Variants in TASP1 observed in about 807,000 individuals in gnomAD.
The protein encoded by TASP1 is threonine aspartase 1.
In TASP1, 16 loss-of-function variants were observed where a neutral mutation model predicts 56.6. That is an observed-to-expected ratio of 0.28 (90% CI 0.19 to 0.43). The LOEUF is 0.43. TASP1 is among the 20% of genes least tolerant of loss of function. The probability of loss-of-function intolerance (pLI) is 1.00; values close to 1 mark genes in which losing one functional copy is unlikely to be tolerated. For synonymous variants in TASP1, 179 were observed against 184.2 expected (o/e 0.97, Z 0.23); for missense variants, 393 against 511.6 (o/e 0.77, Z 2.24).
intron 13 of TASP1, among the ~76,000 whole-genome samples, chr20:13,412,979 T>C (rs2042140206): frequency 6.6e-6 from 1 of 152,080 alleles, no homozygotes; most frequent in Admixed American, 6.5e-5. Context: ...ATATTACAGA[T>C]GAGGCCTCTG....
intron 7 of TASP1, 81 bp downstream of exon 7, chr20:13,569,426 T>G: frequency 1.9e-6 from 2 of 1,080,746 alleles, no homozygotes; most frequent in South Asian, 1.4e-5. Context: ...ATATCTGTAC[T>G]ACATGGGTCA....
chr20:13,153,980 AT>A, the TASP1 span: 1 of 1,611,278 alleles, frequency 6.2e-7, no homozygotes, highest in African/African-American at 1.3e-5. Flanking sequence ...GAATTGATGG[AT>A]TTCACGCCTG....
intron 4 of TASP1, among the ~76,000 whole-genome samples, chr20:13,601,527 GAATA>G (rs1035654781): frequency 6.6e-5 from 10 of 151,918 alleles, no homozygotes; most frequent in Non-Finnish European, 1.0e-4. Context: ...ATTACTGAAT[GAATA>G]AATACATAAA....
At chr20:13,119,750 C>T in the TASP1 span, among the ~76,000 whole-genome samples, 2 of 152,220 alleles carry the variant, frequency 1.3e-5, no homozygotes, top group Admixed American at 1.3e-4. Flanking sequence ...TTAGCCTACG[C>T]TGAGATCTGC....
chr20:13,294,454 G>C, the TASP1 span, among the ~76,000 whole-genome samples: 2 of 152,190 alleles, frequency 1.3e-5, no homozygotes, highest in Non-Finnish European at 2.9e-5. Flanking sequence ...GAGACAGAAA[G>C]TTTCTCAGGA....
chr20:13,472,040 C>T (rs981801667), intron 11 of TASP1, among the ~76,000 whole-genome samples: 1 of 151,834 alleles, frequency 6.6e-6, no homozygotes, highest in Non-Finnish European at 1.5e-5. Context: ...CCAAGACAAT[C>T]CTAAGCAAAA....
chr20:13,530,445 G>A (rs542335834), intron 9 of TASP1, among the ~76,000 whole-genome samples: 1 of 152,270 alleles, frequency 6.6e-6, no homozygotes, highest in South Asian at 2.1e-4. Flanking sequence ...CAGACTTGTG[G>A]GATAACTATT....
At chr20:13,313,850 G>C in the TASP1 span, among the ~76,000 whole-genome samples, 48 of 152,116 alleles carry the variant, frequency 3.2e-4, no homozygotes, top group Non-Finnish European at 1.6e-4. Context: ...AAAACAACAA[G>C]GATTAGGGTG....
intron 6 of TASP1, among the ~76,000 whole-genome samples, chr20:13,576,341 G>GAAA (rs2147180072): frequency 2.4e-5 from 3 of 127,402 alleles, no homozygotes; most frequent in South Asian, 5.3e-4. Context: ...AAGAAAGAAA[G>GAAA]GAAGAAAGAA....
At chr20:13,607,281 T>C (rs1175147131) in intron 4 of TASP1, among the ~76,000 whole-genome samples, 1 of 152,202 alleles carries the variant, frequency 6.6e-6, no homozygotes, top group Non-Finnish European at 1.5e-5. Flanking sequence ...CACCACGACA[T>C]GGAAACCCTT....
At chr20:13,263,819 T>A in the TASP1 span, among the ~76,000 whole-genome samples, 1 of 152,222 alleles carries the variant, frequency 6.6e-6, no homozygotes. Flanking sequence ...ATATTGCTAA[T>A]TAACTATATT....
chr20:13,638,455 C>T (rs904868991), intron 1 of TASP1, among the ~76,000 whole-genome samples: 2 of 152,110 alleles, frequency 1.3e-5, no homozygotes, highest in African/African-American at 4.8e-5. Flanking sequence ...GTGCTAACGA[C>T]CCGCAGGACT....
At chr20:13,172,234 C>G in the TASP1 span, among the ~76,000 whole-genome samples, 1 of 151,888 alleles carries the variant, frequency 6.6e-6, no homozygotes, top group Non-Finnish European at 1.5e-5. Flanking sequence ...TCTAAATACA[C>G]CTTCATAAAA....
chr20:13,118,420 C>T, the TASP1 span, among the ~76,000 whole-genome samples: 4 of 125,262 alleles, frequency 3.2e-5, no homozygotes, highest in Admixed American at 1.1e-4. Flanking sequence ...CCCTGTCATT[C>T]TAGTGCCAAT....
the TASP1 span, among the ~76,000 whole-genome samples, chr20:13,232,365 T>C: frequency 1.3e-5 from 2 of 152,248 alleles, no homozygotes; most frequent in Non-Finnish European, 1.5e-5. Flanking sequence ...TAGATTAGTG[T>C]TGGATTTCCT....
At chr20:13,587,769 AC>A (rs1377914531) in intron 4 of TASP1, among the ~76,000 whole-genome samples, 1 of 151,830 alleles carries the variant, frequency 6.6e-6, no homozygotes, top group East Asian at 1.9e-4. Context: ...AAAATCCAAC[AC>A]CCTTTCATGA....
chr20:13,546,536 C>T (rs1235121450), intron 8 of TASP1, among the ~76,000 whole-genome samples: 5 of 152,162 alleles, frequency 3.3e-5, no homozygotes, highest in Non-Finnish European at 7.4e-5. Context: ...CCCCTAGCCC[C>T]CCTGGAAAAT....
chr20:13,172,089 A>G, the TASP1 span, among the ~76,000 whole-genome samples: 2 of 152,170 alleles, frequency 1.3e-5, no homozygotes, highest in African/African-American at 2.4e-5. Flanking sequence ...AAAACGACAA[A>G]GAGGATACAT....
intron 4 of TASP1, among the ~76,000 whole-genome samples, chr20:13,610,239 AAAT>A: frequency 6.6e-6 from 1 of 152,364 alleles, no homozygotes; most frequent in Non-Finnish European, 1.5e-5. Flanking sequence ...ATGCATTTTA[AAAT>A]GCTTCATTTT....
Sources: allele counts gnomAD v4.1 joint callset (sites outside exome capture counted in the v4.1 genomes callset), GRCh38; gene constraint gnomAD v4.1.1; transcripts MANE v1.5; gene names NCBI Gene and HGNC (gene_info 2026-07-23, HGNC 2026-07-21).